The following C6orf132 variants were observed in gnomAD, a reference collection of about 807,000 sequenced individuals.
C6orf132 encodes the protein chromosome 6 open reading frame 132.
Under a neutral mutation model 65.3 loss-of-function variants are expected in C6orf132, and 43 were observed. That is an observed-to-expected ratio of 0.66 (90% CI 0.52 to 0.85). The LOEUF (loss-of-function observed/expected upper bound fraction) is 0.85, where lower values mean the gene tolerates loss of function less well. Ranked by LOEUF, C6orf132 falls within the 40% of genes least tolerant of loss-of-function variation. C6orf132 has a pLI of 0.00. For missense variants in C6orf132, 1,488 were observed against 1,548.8 expected (o/e 0.96, Z 0.66); for synonymous variants, 631 against 654.1 (o/e 0.96, Z 0.54).
intron 2 of C6orf132, among the ~76,000 whole-genome samples, chr6:42,113,967 A>G (rs1766530363): frequency 6.6e-6 from 1 of 152,218 alleles, no homozygotes; most frequent in Non-Finnish European, 1.5e-5. Context: ...CCTCTATTCC[A>G]GAAAAGTGAA....
chr6:42,142,153 C>T, intron 1 of C6orf132, 147 bp downstream of exon 1: 2 of 862,752 alleles, frequency 2.3e-6, no homozygotes, highest in Non-Finnish European at 3.5e-6. Context: ...CTGTGCGGTG[C>T]CTCCTCCCCT....
rs1347894901 is a variant in C6orf132, at chr6:42,123,589, G to GA, written c.252+5082dup. On this transcript the variant is annotated intron_variant, in intron 2 of 4. Transcript: ENST00000341865. ...AAGAAGAAGAAGAAAGAAGAAAGAA[G>GA]AAGAAGAAAGAAGGAAGAAGAAGAA... is the stretch of plus-strand genomic sequence containing the variant. Among the ~76,000 whole-genome samples the GA allele has an allele frequency of 4.2e-3, 639 of 151,286 alleles. 4 individuals are homozygous for GA. The highest frequency in any genetic ancestry group is 0.015 in the African/African-American group (614 of 40,826).
In C6orf132 at chr6:42,105,988, G is replaced by T; in HGVS notation, c.1924C>A (p.Pro642Thr). Residue 642 changes from proline (P) to threonine (T), a missense_variant, in exon 4 of 5, where the codon CCA (proline) becomes ACA (threonine). Pro to Thr is a conservative substitution (Grantham distance 38). Coordinates refer to ENST00000341865, the MANE Select transcript of C6orf132 (RefSeq NM_001164446.3). Reference protein sequence around the residue: ...QPKAMLGPAIPPKATPEPAIP... With the variant: ...QPKAMLGPAITPKATPEPAIP... ...GCTGGCTCAGGTGTGGCCTTGGGTG[G>T]TATGGCTGGTCCCAACATAGCCTTG... 6.5e-7 allele frequency: 1 copy of T among 1,537,142 alleles called. No individual in the cohort carries two copies. The highest frequency in any genetic ancestry group is 8.7e-7 in the Non-Finnish European group (1 of 1,146,800).
chr6:42,123,475 AAGG>A lies in C6orf132; in HGVS notation c.252+5194_252+5196del, dbSNP rs1766719939. Among the ~76,000 whole-genome samples, 4 of 119,206 alleles carry A rather than the reference AAGG, an allele frequency of 3.4e-5. No homozygotes were observed. The South Asian group carries it at 1.1e-3, about 33-fold the overall frequency. The allele number at this position is 119,206 out of a possible 152,430, so 78.2% of individuals were successfully genotyped here. ...GAAGAAGGAGAAGGAGAAGAAGGAGAAGGAGAAGAAGAAGAAGAAAAGAAGAAA... is the reference window on the plus strand; with the variant it reads ...GAAGAAGGAGAAGGAGAAGAAGGAGAAGAAGAAGAAGAAGAAAAGAAGAAA... On this transcript the variant is annotated intron_variant, in intron 2 of 4. Coordinates refer to ENST00000341865, the MANE Select transcript of C6orf132 (RefSeq NM_001164446.3).
At chr6:42,127,927 CTTTT>C (rs70987570) in intron 2 of C6orf132, among the ~76,000 whole-genome samples, 1 of 142,784 alleles carries the variant, frequency 7.0e-6, no homozygotes, top group African/African-American at 2.6e-5. Flanking sequence ...CAATGACACT[CTTTT>C]TTTTTTTTTT....
intron 1 of C6orf132, among the ~76,000 whole-genome samples, chr6:42,140,903 C>G (rs1767019721): frequency 6.6e-6 from 1 of 152,188 alleles, no homozygotes; most frequent in Non-Finnish European, 1.5e-5. Context: ...AGGCACTTGC[C>G]TGCACACCTG....
Position 42,105,001 on chromosome 6 carries a change from A to AAGGAGAAGGTGGGG in C6orf132, c.2897_2910dup (p.Ser971ProfsTer55). ...TCCTCCTCCTCCTCCCTCTTGTTCG[A>AAGGAGAAGGTGGGG]AGGAGAAGGTGGGGAGGAGAAGGAC... is the stretch of plus-strand genomic sequence containing the variant. On this transcript the variant is annotated frameshift_variant, in exon 4 of 5. Coordinates refer to ENST00000341865, the MANE Select transcript of C6orf132 (RefSeq NM_001164446.3). LOFTEE classifies it high-confidence loss of function. The AAGGAGAAGGTGGGG allele has an allele frequency of 6.6e-7, 1 of 1,524,450 alleles. No homozygotes were observed. 94.4% of individuals were successfully genotyped at this position (1,524,450 alleles called of 1,614,324 possible). A position where few individuals can be genotyped will look rare whatever the true frequency, so the allele number is the denominator to read the frequency against.
At chr6:42,134,602 C>T (rs1264778473) in intron 1 of C6orf132, among the ~76,000 whole-genome samples, 1 of 151,904 alleles carries the variant, frequency 6.6e-6, no homozygotes, top group African/African-American at 2.4e-5. Flanking sequence ...GGTGAAACCC[C>T]GTCTCCACTA....
At chr6:42,109,834 A>G (rs192588945) in intron 3 of C6orf132, among the ~76,000 whole-genome samples, 222 of 152,310 alleles carry the variant, frequency 1.5e-3, no homozygotes, top group Middle Eastern at 6.8e-3. Flanking sequence ...TGTTGTTCCC[A>G]TCGTTCGTTG....
chr6:42,115,479 T>C (rs895622632), intron 2 of C6orf132, among the ~76,000 whole-genome samples: 2 of 150,052 alleles, frequency 1.3e-5, no homozygotes, highest in Non-Finnish European at 3.0e-5. Flanking sequence ...ACCCCGCCTC[T>C]ACTAAAAACA....
intron 1 of C6orf132, 71 bp downstream of exon 1, chr6:42,142,229 G>T (rs1035918086): frequency 2.2e-5 from 33 of 1,490,256 alleles, no homozygotes; most frequent in South Asian, 1.5e-4. Context: ...GCCTCCAGGA[G>T]ACAGCACCGC....
Position 42,140,537 on chromosome 6 carries a change from T to C in C6orf132, c.145+1763A>G, listed in dbSNP as rs373668617. On this transcript the variant is annotated intron_variant, in intron 1 of 4. Coordinates refer to ENST00000341865, the MANE Select transcript of C6orf132 (RefSeq NM_001164446.3). Reference sequence around the variant, plus strand: ...CTGACTGCCTGGATTCAAATACTAGTTCTGCCTCACAAGGGAGATTTTGGA... The same window carrying C: ...CTGACTGCCTGGATTCAAATACTAGCTCTGCCTCACAAGGGAGATTTTGGA... 1.4e-4 allele frequency among the ~76,000 whole-genome samples: 21 copies of C among 152,342 alleles called. 3 individuals are homozygous for C. Among genetic ancestry groups the C allele is most frequent in the South Asian group, 1.0e-3 (5 of 4,826 alleles).
Position 42,142,583 on chromosome 6 carries a change from G to C in C6orf132, c.-139C>G. 1.9e-5 allele frequency: 9 copies of C among 465,474 alleles called. No individual in the cohort carries two copies. The highest frequency in any genetic ancestry group is 2.2e-5 in the Non-Finnish European group (7 of 311,990). 28.8% of individuals were successfully genotyped at this position (465,474 alleles called of 1,614,324 possible). On this transcript the variant is annotated 5_prime_UTR_variant, in exon 1 of 5. Transcript: ENST00000341865. ...GCCGTCCTCCCCGCCCGCGCACCGG[G>C]CAACAGGTGCTGCGGGCGCCGCCGC... is the stretch of plus-strand genomic sequence containing the variant.
chr6:42,111,582 C>T (rs1337836353), intron 2 of C6orf132, among the ~76,000 whole-genome samples: 2 of 151,824 alleles, frequency 1.3e-5, no homozygotes, highest in African/African-American at 2.4e-5. Context: ...GCGCCCAGCC[C>T]TGGCTAATTT....
At chr6:42,125,166 T>G (rs1480939982) in intron 2 of C6orf132, among the ~76,000 whole-genome samples, 4 of 152,058 alleles carry the variant, frequency 2.6e-5, no homozygotes, top group Non-Finnish European at 4.4e-5. Flanking sequence ...TGCCGCCTGG[T>G]CCTGGAAGGA....
Position 42,106,050 on chromosome 6 carries a change from T to G in C6orf132, c.1862A>C (p.Gln621Pro). ...TGTAGTTGGCAGCAGGGTGGTGGAT[T>G]GAGGTGGCAGATTCTTGGCCACAGG... ...SKPVAKNLPP[Q>P]STTLLPTTSL... is the part of the protein sequence containing the mutation. Residue 621 changes from glutamine (Q) to proline (P), a missense_variant, in exon 4 of 5, where the codon CAA becomes CCA. Transcript: ENST00000341865. 1 of 1,537,202 alleles carries G rather than the reference T, an allele frequency of 6.5e-7. No individual in the cohort carries two copies. The highest frequency in any genetic ancestry group is 8.7e-7 in the Non-Finnish European group (1 of 1,146,892).
At chr6:42,140,074 AG>A (rs1174631378) in intron 1 of C6orf132, among the ~76,000 whole-genome samples, 2 of 152,216 alleles carry the variant, frequency 1.3e-5, no homozygotes, top group African/African-American at 2.4e-5. Context: ...GTGGCACCCC[AG>A]GGAACACCCC....
At chr6:42,117,220 G>A (rs994556747) in intron 2 of C6orf132, among the ~76,000 whole-genome samples, 2 of 152,202 alleles carry the variant, frequency 1.3e-5, no homozygotes, top group Non-Finnish European at 2.9e-5. Flanking sequence ...TCTACTAGGT[G>A]CAAGGCACTG....
rs1766731483 is a variant in C6orf132, at chr6:42,124,155, AC to A, written c.252+4516del. 6.6e-6 allele frequency among the ~76,000 whole-genome samples: 1 copy of A among 151,996 alleles called. No individual in the cohort carries two copies. The highest frequency in any genetic ancestry group is 1.5e-5 in the Non-Finnish European group (1 of 67,972). On this transcript the variant is annotated intron_variant, in intron 2 of 4. Transcript: ENST00000341865. This position sits in a 1 kb window ranked among gnomAD's most constrained non-coding sequence, Gnocchi z 4.0. ...GAGAGGAAGGGACTGGCCTGCAGCCACCCCGCATCCCAGCAGCAGAGCTGGG... is the reference window on the plus strand; with the variant it reads ...GAGAGGAAGGGACTGGCCTGCAGCCACCCGCATCCCAGCAGCAGAGCTGGG...
Sources: gnomAD v4.1 joint callset for allele counts (sites outside exome capture counted in the v4.1 genomes callset) on GRCh38, gnomAD v4.1.1 for gene constraint, Gnocchi (gnomAD v3.1) non-coding constraint, MANE v1.5 for transcripts, NCBI Gene and HGNC (gene_info 2026-07-23, HGNC 2026-07-21) for gene names.